ELFN2: variants seen among roughly 807,000 people sequenced by gnomAD.
ELFN2 encodes the protein extracellular leucine rich repeat and fibronectin type III domain containing 2.
Under a neutral mutation model 45.5 loss-of-function variants are expected in ELFN2, and 17 were observed. That is an observed-to-expected ratio of 0.37 (90% CI 0.26 to 0.56). ELFN2 has a LOEUF of 0.56. ELFN2 is among the 20% of genes least tolerant of loss of function. ELFN2 has a pLI of 0.77. For missense variants in ELFN2, 922 were observed against 1,183.2 expected (o/e 0.78, Z 3.24); for synonymous variants, 550 against 551.5 (o/e 1.00, Z 0.04).
At chr22:37,393,701 C>T (rs1312215603) in intron 2 of ELFN2, among the ~76,000 whole-genome samples, 2 of 152,160 alleles carry the variant, frequency 1.3e-5, no homozygotes, top group Non-Finnish European at 2.9e-5. Context: ...CTGGAGCTGG[C>T]TCTGCACCCA....
At chr22:37,410,121 G>A (rs1398769868) in intron 2 of ELFN2, among the ~76,000 whole-genome samples, 1 of 152,162 alleles carries the variant, frequency 6.6e-6, no homozygotes, top group Non-Finnish European at 1.5e-5. Flanking sequence ...CTTCCATCCA[G>A]CCAGCTCTCT....
downstream of ELFN2, among the ~76,000 whole-genome samples, chr22:37,365,908 G>GCACGAA (rs1440537687): frequency 6.6e-6 from 1 of 152,000 alleles, no homozygotes; most frequent in Non-Finnish European, 1.5e-5. Context: ...CGATATCTGA[G>GCACGAA]CACGTGTAGC....
At position 37,427,338 on chromosome 22, in the gene ELFN2, G is replaced by C. The variant is rs776380500; in HGVS notation, c.-654C>G. ...GATCCGGGCCAAGCACCGCCTCCGG[G>C]AAGCGGCGGCCGCGGGGCCTGCGCG... On this transcript the variant is annotated 5_prime_UTR_variant, in exon 1 of 3. Transcript: ENST00000402918. 2.3e-4 allele frequency: 35 copies of C among 152,866 alleles called. No homozygotes were observed. The highest frequency in any genetic ancestry group is 4.7e-4 in the Non-Finnish European group (32 of 68,578). The allele number at this position is 152,866 out of a possible 1,614,324, so 9.5% of individuals were successfully genotyped here. A position where few individuals can be genotyped will look rare whatever the true frequency, so the allele number is the denominator to read the frequency against.
intron 1 of ELFN2, among the ~76,000 whole-genome samples, chr22:37,422,603 G>GT (rs996931079): frequency 1.3e-5 from 2 of 151,768 alleles, no homozygotes; most frequent in Non-Finnish European, 2.9e-5. Context: ...TACTGGGGAA[G>GT]TTTTTTTTGA....
At chr22:37,407,423 C>G (rs1932532922) in intron 2 of ELFN2, among the ~76,000 whole-genome samples, 1 of 152,148 alleles carries the variant, frequency 6.6e-6, no homozygotes, top group Non-Finnish European at 1.5e-5. Flanking sequence ...CAGACAAGGT[C>G]CCCAGCCTCA....
chr22:37,394,887 G>A (rs930266278), intron 2 of ELFN2, among the ~76,000 whole-genome samples: 7 of 152,022 alleles, frequency 4.6e-5, no homozygotes. Context: ...GGCGGATCAC[G>A]AGGTCAGGAG....
At chr22:37,399,117 G>A (rs1287123057) in intron 2 of ELFN2, among the ~76,000 whole-genome samples, 4 of 152,070 alleles carry the variant, frequency 2.6e-5, no homozygotes, top group East Asian at 1.9e-4. Flanking sequence ...GGATGGGCAC[G>A]TGAGCTTCTT....
At chr22:37,410,813 G>A (rs149594495) in intron 2 of ELFN2, among the ~76,000 whole-genome samples, 140 of 152,284 alleles carry the variant, frequency 9.2e-4, no homozygotes, top group Admixed American at 2.4e-3. Flanking sequence ...TGGAACCCAC[G>A]CGTCTACTCC....
intron 2 of ELFN2, among the ~76,000 whole-genome samples, chr22:37,396,038 G>A (rs1213090028): frequency 2.0e-5 from 3 of 152,200 alleles, no homozygotes; most frequent in East Asian, 1.9e-4. Context: ...GGAGACCCCC[G>A]GAAGGGGCTG....
chr22:37,416,141 G>C (rs750478480), intron 2 of ELFN2, among the ~76,000 whole-genome samples: 1 of 152,186 alleles, frequency 6.6e-6, no homozygotes, highest in African/African-American at 2.4e-5. Flanking sequence ...GTAAAAACCA[G>C]AGCCAGGTTG....
chr22:37,356,633 C>T (rs924218198), intron 1 of ELFN2, among the ~76,000 whole-genome samples: 5 of 152,170 alleles, frequency 3.3e-5, no homozygotes, highest in Admixed American at 1.3e-4. Context: ...GTAATAGTCA[C>T]GGCAGACACT....
At chr22:37,422,936 TGGGCCTCG>T (rs1334555673) in intron 1 of ELFN2, among the ~76,000 whole-genome samples, 1 of 43,594 alleles carries the variant, frequency 2.3e-5, no homozygotes, top group Admixed American at 3.5e-4. Flanking sequence ...TTGAGGAAAC[TGGGCCTCG>T]GGGGGGGGGG....
chr22:37,426,650 AACACACAC>A (rs3041620), intron 1 of ELFN2, among the ~76,000 whole-genome samples: 1 of 144,094 alleles, frequency 6.9e-6, no homozygotes, highest in Non-Finnish European at 1.5e-5. Context: ...CACACACACA[AACACACAC>A]ACACACACAC....
intron 2 of ELFN2, among the ~76,000 whole-genome samples, chr22:37,376,716 T>C (rs1475266722): frequency 6.6e-6 from 1 of 152,072 alleles, no homozygotes; most frequent in Admixed American, 6.5e-5. Flanking sequence ...AGACCTCATC[T>C]CACAGGCAGA....
At chr22:37,365,451 G>C (rs1175481685), downstream of ELFN2, among the ~76,000 whole-genome samples, 2 of 152,222 alleles carry the variant, frequency 1.3e-5, no homozygotes, top group African/African-American at 2.4e-5. Context: ...CTTCCCTGGA[G>C]CCCTGCTGCG....
intron 1 of ELFN2, among the ~76,000 whole-genome samples, chr22:37,426,366 A>G (rs1205452135): frequency 6.6e-6 from 1 of 151,936 alleles, no homozygotes; most frequent in African/African-American, 2.4e-5. Flanking sequence ...GCACACACAC[A>G]CACACACATC....
intron 1 of ELFN2, among the ~76,000 whole-genome samples, chr22:37,355,063 C>T (rs1288154525): frequency 6.6e-6 from 1 of 152,206 alleles, no homozygotes; most frequent in African/African-American, 2.4e-5. Flanking sequence ...GGTTCCTTTT[C>T]AGGACGGGAG....
In ELFN2 at chr22:37,371,760, C is replaced by T. The variant is rs539340368; in HGVS notation, c.*1312G>A. On this transcript the variant is annotated 3_prime_UTR_variant, in exon 3 of 3. Transcript: ENST00000402918. This position sits in a 1 kb window ranked among gnomAD's most constrained non-coding sequence, Gnocchi z 6.4. ...CACGAACCCAGCCTGCTCCTCAACC[C>T]TCTCTCGGGTGGGGGCCTCACTGTT... The T allele has an allele frequency of 6.5e-6, 1 of 152,682 alleles. No homozygotes were observed. The highest frequency in any genetic ancestry group is 1.9e-4 in the East Asian group (1 of 5,172). The allele number at this position is 152,682 out of a possible 1,614,324, so 9.5% of individuals were successfully genotyped here. A position where few individuals can be genotyped will look rare whatever the true frequency, so the allele number is the denominator to read the frequency against.
At chr22:37,341,824 G>C (rs578091600) in intron 2 of ELFN2, among the ~76,000 whole-genome samples, 1 of 152,336 alleles carries the variant, frequency 6.6e-6, no homozygotes. Flanking sequence ...AAATGGGTCA[G>C]TGAGGACAGA....
Sources: allele counts gnomAD v4.1 joint callset (sites outside exome capture counted in the v4.1 genomes callset), GRCh38; gene constraint gnomAD v4.1.1; non-coding constraint Gnocchi (gnomAD v3.1); transcripts MANE v1.5; gene names NCBI Gene and HGNC (gene_info 2026-07-23, HGNC 2026-07-21).